Variants in FRMD6 observed in about 807,000 individuals in gnomAD.
The protein encoded by FRMD6 is FERM domain-containing protein 6.
Under a neutral mutation model 73.2 loss-of-function variants are expected in FRMD6, and 37 were observed. The ratio of observed to expected loss-of-function variants is 0.51; its 90% confidence interval spans 0.39 to 0.66. FRMD6 has a LOEUF of 0.66. Ranked by LOEUF, FRMD6 falls within the 30% of genes least tolerant of loss-of-function variation. The pLI is 0.00. For synonymous variants in FRMD6, 273 were observed against 282.2 expected (o/e 0.97, Z 0.33); for missense variants, 714 against 780.5 (o/e 0.91, Z 1.02).
chr14:51,414,483 T>C, the FRMD6 span, among the ~76,000 whole-genome samples: 1 of 152,228 alleles, frequency 6.6e-6, no homozygotes, highest in African/African-American at 2.4e-5. Context: ...GTGTTATTTC[T>C]GAGGCCTCTG....
chr14:51,620,762 C>G (rs1566507427), intron 2 of FRMD6, among the ~76,000 whole-genome samples: 1 of 152,218 alleles, frequency 6.6e-6, no homozygotes, highest in Admixed American at 6.5e-5. Context: ...AAACCACTGA[C>G]ACTCCTATGG....
intron 5 of FRMD6, among the ~76,000 whole-genome samples, chr14:51,703,316 A>C (rs1196832131): frequency 6.6e-6 from 1 of 152,090 alleles, no homozygotes; most frequent in Non-Finnish European, 1.5e-5. Context: ...TACTAGAAAT[A>C]TGAACTCTGT....
intron 2 of FRMD6, among the ~76,000 whole-genome samples, chr14:51,690,665 A>G (rs1895496700): frequency 6.6e-6 from 1 of 152,186 alleles, no homozygotes; most frequent in Non-Finnish European, 1.5e-5. Flanking sequence ...TACAGGCGTG[A>G]GCCACCGCGC....
At chr14:51,663,564 C>T (rs1323232632) in intron 1 of FRMD6, among the ~76,000 whole-genome samples, 1 of 152,056 alleles carries the variant, frequency 6.6e-6, no homozygotes, top group East Asian at 1.9e-4. Context: ...GATGAGGACA[C>T]ATGGACACAT....
the FRMD6 span, among the ~76,000 whole-genome samples, chr14:51,451,934 T>G: frequency 6.6e-6 from 1 of 152,222 alleles, no homozygotes; most frequent in Non-Finnish European, 1.5e-5. Context: ...CAAAACAGAT[T>G]AAGACACCCG....
rs376930814 is a variant in FRMD6, at chr14:51,643,090, C to T, written c.-146-46601C>T. On this transcript the variant is annotated intron_variant, in intron 2 of 14. Transcript: ENST00000356218. ...AGGGCATGAGCTTAGAGTCAGATTT[C>T]CTAGGTTCAGATCCAAGCATCACTA... Among the ~76,000 whole-genome samples, 56 of 152,308 alleles carry T rather than the reference C, an allele frequency of 3.7e-4. 1 individual carries two copies. The South Asian group carries it at 0.011, about 29-fold the overall frequency.
intron 2 of FRMD6, among the ~76,000 whole-genome samples, chr14:51,593,606 G>T (rs1889529481): frequency 6.6e-6 from 1 of 152,160 alleles, no homozygotes; most frequent in Non-Finnish European, 1.5e-5. Flanking sequence ...TTGTGAGACT[G>T]TAGTGAGCAC....
intron 2 of FRMD6, among the ~76,000 whole-genome samples, chr14:51,591,787 C>A (rs112936339): frequency 0.082 from 12,515 of 152,230 alleles, 718 homozygotes; most frequent in African/African-American, 0.16. Flanking sequence ...GTGATCCACC[C>A]TCCTTGGCCT....
At chr14:51,509,689 C>T (rs1421742306) in intron 1 of FRMD6, among the ~76,000 whole-genome samples, 3 of 151,862 alleles carry the variant, frequency 2.0e-5, no homozygotes, top group Admixed American at 6.6e-5. Context: ...TGCAGTGGTG[C>T]GATCTCGGCT....
At chr14:51,520,836 G>A (rs1436526344) in intron 1 of FRMD6, among the ~76,000 whole-genome samples, 1 of 152,158 alleles carries the variant, frequency 6.6e-6, no homozygotes, top group African/African-American at 2.4e-5. Flanking sequence ...CTGAGCCTGA[G>A]GAGGTCGAGG....
intron 1 of FRMD6, among the ~76,000 whole-genome samples, chr14:51,565,992 G>A (rs1596613920): frequency 6.6e-6 from 1 of 152,244 alleles, no homozygotes; most frequent in South Asian, 2.1e-4. Context: ...GTGAAACCCC[G>A]TCTCTACTAA....
chr14:51,565,703 A>G (rs76616964), intron 1 of FRMD6, among the ~76,000 whole-genome samples: 1 of 150,854 alleles, frequency 6.6e-6, no homozygotes, highest in African/African-American at 2.4e-5. Flanking sequence ...TCCATTAACT[A>G]TGAAGGAAAT....
chr14:51,504,135 T>C (rs941977400), intron 1 of FRMD6, among the ~76,000 whole-genome samples: 4 of 152,222 alleles, frequency 2.6e-5, no homozygotes, highest in Admixed American at 2.6e-4. Flanking sequence ...TAGCTAGGTT[T>C]CTAGCTTTCT....
intron 1 of FRMD6, among the ~76,000 whole-genome samples, chr14:51,668,326 G>A (rs1455845451): frequency 6.6e-6 from 1 of 152,118 alleles, no homozygotes; most frequent in Non-Finnish European, 1.5e-5. Context: ...TTTATTTATT[G>A]AGACAGAATC....
chr14:51,602,202 T>C (rs1890066543), intron 2 of FRMD6, among the ~76,000 whole-genome samples: 1 of 152,160 alleles, frequency 6.6e-6, no homozygotes, highest in South Asian at 2.1e-4. Context: ...TTTTTGAACA[T>C]ATGGAACTCT....
At chr14:51,468,161 C>T in the FRMD6 span, among the ~76,000 whole-genome samples, 3 of 152,104 alleles carry the variant, frequency 2.0e-5, no homozygotes, top group South Asian at 2.1e-4. Context: ...CATGGCGGCG[C>T]GCGCCTGCAA....
intron 1 of FRMD6, among the ~76,000 whole-genome samples, chr14:51,657,443 T>G (rs1337767016): frequency 6.6e-6 from 1 of 152,240 alleles, no homozygotes; most frequent in Non-Finnish European, 1.5e-5. Context: ...TTAAACTGTT[T>G]TTGGACTGCA....
At chr14:51,599,280 G>T (rs530266640) in intron 2 of FRMD6, among the ~76,000 whole-genome samples, 42 of 152,064 alleles carry the variant, frequency 2.8e-4, no homozygotes, top group Middle Eastern at 3.4e-3. Context: ...GGGATAGCTA[G>T]CTATCCATAT....
At chr14:51,592,585 A>G (rs894101611) in intron 2 of FRMD6, among the ~76,000 whole-genome samples, 3 of 152,210 alleles carry the variant, frequency 2.0e-5, no homozygotes, top group African/African-American at 7.2e-5. Context: ...ATTTCCTGTA[A>G]AATTACTTGT....
Sources: allele counts gnomAD v4.1 joint callset (sites outside exome capture counted in the v4.1 genomes callset), GRCh38; gene constraint gnomAD v4.1.1; transcripts MANE v1.5; gene names NCBI Gene and HGNC (gene_info 2026-07-23, HGNC 2026-07-21).